The following SLC7A8 variants were observed in gnomAD, a reference collection of about 807,000 sequenced individuals.
The protein encoded by SLC7A8 is solute carrier family 7 member 8.
SLC7A8 carries 30 observed loss-of-function variants against 51.2 expected under a neutral mutation model. The ratio of observed to expected loss-of-function variants is 0.59; its 90% confidence interval spans 0.44 to 0.80. The LOEUF (loss-of-function observed/expected upper bound fraction) is 0.80. Ranked by LOEUF, SLC7A8 falls within the 30% of genes least tolerant of loss-of-function variation. The probability of loss-of-function intolerance (pLI) is 0.00; values close to 1 mark genes in which losing one functional copy is unlikely to be tolerated. For synonymous variants in SLC7A8, 257 were observed against 275.8 expected (o/e 0.93, Z 0.67); for missense variants, 612 against 674.4 (o/e 0.91, Z 1.03).
chr14:23,155,516 G>A, intron 3 of SLC7A8: 2 of 1,370,102 alleles, frequency 1.5e-6, no homozygotes, highest in South Asian at 1.8e-5. Flanking sequence ...TCCAAGAGCT[G>A]AGTAGTTCTC....
At chr14:23,133,984 A>G (rs1566357073) in intron 7 of SLC7A8, among the ~76,000 whole-genome samples, 1 of 152,052 alleles carries the variant, frequency 6.6e-6, no homozygotes, top group Non-Finnish European at 1.5e-5. Context: ...TCTGTTGCCC[A>G]GGCTGGAGTG....
chr14:23,147,147 G>T (rs958953504), intron 3 of SLC7A8, among the ~76,000 whole-genome samples: 5 of 144,438 alleles, frequency 3.5e-5, no homozygotes, highest in South Asian at 2.3e-4. Flanking sequence ...CATCATCCAT[G>T]CATCCATCCA....
intron 3 of SLC7A8, among the ~76,000 whole-genome samples, chr14:23,158,135 C>T (rs188168611): frequency 6.6e-6 from 1 of 152,318 alleles, no homozygotes; most frequent in Admixed American, 6.5e-5. Flanking sequence ...TTGTCTCCCC[C>T]GTGCCAAGAA....
chr14:23,154,543 G>T (rs924975915), intron 3 of SLC7A8: 8 of 938,180 alleles, frequency 8.5e-6, no homozygotes, highest in Non-Finnish European at 1.0e-5. Flanking sequence ...TGGAAAAGCC[G>T]CTTCGGCTTG....
At chr14:23,179,154 C>G (rs1028738898) in intron 1 of SLC7A8, among the ~76,000 whole-genome samples, 1 of 152,176 alleles carries the variant, frequency 6.6e-6, no homozygotes, top group Non-Finnish European at 1.5e-5. Context: ...CAAGATGCTT[C>G]TTAATCTAGT....
chr14:23,151,007 T>G (rs1302078959), intron 3 of SLC7A8, among the ~76,000 whole-genome samples: 1 of 152,202 alleles, frequency 6.6e-6, no homozygotes, highest in Non-Finnish European at 1.5e-5. Flanking sequence ...GTCAAACATA[T>G]TCCCGTGCCT....
Position 23,138,025 on chromosome 14 carries a change from C to G in SLC7A8, c.913-1G>C. 1 of 1,613,910 alleles carries G rather than the reference C, an allele frequency of 6.2e-7. No individual in the cohort carries two copies. Among genetic ancestry groups the G allele is most frequent in the Non-Finnish European group, 8.5e-7 (1 of 1,179,960 alleles). On this transcript the variant is annotated splice_acceptor_variant, in intron 6 of 10. Transcript: ENST00000316902. LOFTEE classifies it high-confidence loss of function. ...CTCCTAGGAGCTTCTCTCCAAAAGT[C>G]TGGGAGAGGAACCAAGGAGATAAGC...
rs115596543 is a variant in SLC7A8, at chr14:23,133,154, C to G, written c.1017-1597G>C. On this transcript the variant is annotated intron_variant, in intron 7 of 10. Transcript: ENST00000316902. ...GGATTGAGTTTAAAAAAATTATATC[C>G]TGTCTGGGCACGGTGGGTAACACCT... Among the ~76,000 whole-genome samples the G allele has an allele frequency of 7.1e-3, 1,073 of 152,172 alleles. 7 individuals carry two copies. Among genetic ancestry groups the G allele is most frequent in the African/African-American group, 0.024 (1,005 of 41,510 alleles).
At chr14:23,148,503 C>T (rs1261917545) in intron 3 of SLC7A8, among the ~76,000 whole-genome samples, 1 of 152,204 alleles carries the variant, frequency 6.6e-6, no homozygotes, top group African/African-American at 2.4e-5. Context: ...GCTGGGATTA[C>T]AGGCCTGAGC....
Position 23,135,059 on chromosome 14 carries a change from G to A in SLC7A8, c.1016+2862C>T, listed in dbSNP as rs548668762. ...CGGGATTACAGGCGTGAGCCACCAC[G>A]CCCAGCCCTAAAAGTTATTATTTTT... On this transcript the variant is annotated intron_variant, in intron 7 of 10. Transcript: ENST00000316902. 5.9e-5 allele frequency among the ~76,000 whole-genome samples: 9 copies of A among 152,044 alleles called. No homozygotes were observed. In the East Asian group the frequency reaches 9.7e-4, roughly 16 times the overall value.
At chr14:23,162,945 A>T (rs1160070334) in intron 3 of SLC7A8, among the ~76,000 whole-genome samples, 1 of 152,178 alleles carries the variant, frequency 6.6e-6, no homozygotes. Context: ...TAGCAGCATC[A>T]GCAGGAAAAA....
chr14:23,156,770 A>G (rs1441981876), intron 3 of SLC7A8, among the ~76,000 whole-genome samples: 3 of 152,204 alleles, frequency 2.0e-5, no homozygotes, highest in Non-Finnish European at 4.4e-5. Context: ...AATCTCATTC[A>G]CTGTTCTTCC....
chr14:23,152,820 C>G (rs750929736), intron 3 of SLC7A8, among the ~76,000 whole-genome samples: 5 of 152,188 alleles, frequency 3.3e-5, no homozygotes, highest in Admixed American at 6.5e-5. Flanking sequence ...AATGAACATT[C>G]CCACATGGAT....
chr14:23,154,346 G>T (rs1016082616), intron 3 of SLC7A8: 2 of 999,902 alleles, frequency 2.0e-6, no homozygotes, highest in Non-Finnish European at 1.2e-6. Flanking sequence ...AGCAAAAGGG[G>T]TGAGGCATGT....
In SLC7A8 at chr14:23,140,479, A is replaced by G; in HGVS notation, c.780T>C (p.Asp260=). 1.2e-6 allele frequency: 2 copies of G among 1,612,384 alleles called. No homozygotes were observed. Among genetic ancestry groups the G allele is most frequent in the Non-Finnish European group, 1.7e-6 (2 of 1,178,582 alleles). ...FLNYVTEELV[D]PYKNLPRAIF... is the part of the protein sequence containing the mutation. ...AGGCTCTTTCAACTCACTTGTAGGG[A>G]TCAACAAGCTCCTCAGTCACGTAAT... The change falls in exon 5 of 11, where the codon GAT becomes GAC. Residue 260 remains aspartate, a synonymous_variant. Coordinates refer to ENST00000316902, the MANE Select transcript of SLC7A8 (RefSeq NM_012244.4).
At chr14:23,164,764 G>A (rs994679381) in intron 3 of SLC7A8, among the ~76,000 whole-genome samples, 3 of 152,170 alleles carry the variant, frequency 2.0e-5, no homozygotes, top group African/African-American at 7.2e-5. Flanking sequence ...GGCCAAGGCG[G>A]GCGGATCACT....
At position 23,126,858 on chromosome 14, in the gene SLC7A8, C is replaced by A; in HGVS notation, c.*319G>T. On this transcript the variant is annotated 3_prime_UTR_variant, in exon 11 of 11. Transcript: ENST00000316902. ...GGGAAGGCAGTAATGAGCTCCGGTTCCTGAAGAGGCAGCTGAGGGTGTGGC... is the reference window on the plus strand; with the variant it reads ...GGGAAGGCAGTAATGAGCTCCGGTTACTGAAGAGGCAGCTGAGGGTGTGGC... The A allele has an allele frequency of 5.1e-6, 2 of 391,030 alleles. No individual in the cohort carries two copies. Among genetic ancestry groups the A allele is most frequent in the Non-Finnish European group, 9.5e-6 (2 of 210,098 alleles). The allele number at this position is 391,030 out of a possible 1,614,324, so 24.2% of individuals were successfully genotyped here.
intron 3 of SLC7A8, among the ~76,000 whole-genome samples, chr14:23,159,304 G>A (rs1283517530): frequency 2.0e-5 from 3 of 152,122 alleles, no homozygotes; most frequent in Non-Finnish European, 4.4e-5. Flanking sequence ...TGAGATGTTA[G>A]TCAAACTGTC....
intron 4 of SLC7A8, among the ~76,000 whole-genome samples, chr14:23,142,852 G>T (rs1306027385): frequency 6.6e-6 from 1 of 152,158 alleles, no homozygotes; most frequent in Non-Finnish European, 1.5e-5. Flanking sequence ...GTAAGCATGG[G>T]AGAGGTGACC....
Sources: allele counts gnomAD v4.1 joint callset (sites outside exome capture counted in the v4.1 genomes callset), GRCh38; gene constraint gnomAD v4.1.1; transcripts MANE v1.5; gene names NCBI Gene and HGNC (gene_info 2026-07-23, HGNC 2026-07-21).